The following SHISA6 variants were observed in gnomAD, a reference collection of about 807,000 sequenced individuals.
SHISA6 encodes protein shisa-6.
A neutral mutation model predicts 47.9 loss-of-function variants in SHISA6; 22 were observed. That is an observed-to-expected ratio of 0.46 (90% CI 0.33 to 0.66). The LOEUF (loss-of-function observed/expected upper bound fraction) is 0.66, where lower values mean the gene tolerates loss of function less well. SHISA6 is among the 30% of genes least tolerant of loss of function. The pLI is 0.02. For missense variants in SHISA6, 680 were observed against 764.6 expected (o/e 0.89, Z 1.30); for synonymous variants, 388 against 337.8 (o/e 1.15, Z -1.63).
At chr17:11,451,540 T>C (rs938435135) in intron 3 of SHISA6, among the ~76,000 whole-genome samples, 2 of 152,030 alleles carry the variant, frequency 1.3e-5, no homozygotes, top group Admixed American at 6.6e-5. Context: ...TCAAACAGGA[T>C]AGTGTGATAA....
At chr17:11,468,876 C>A (rs1391924365) in intron 3 of SHISA6, among the ~76,000 whole-genome samples, 1 of 151,772 alleles carries the variant, frequency 6.6e-6, no homozygotes, top group Non-Finnish European at 1.5e-5. Context: ...CAAAAATTAG[C>A]CAGACATGGT....
chr17:11,510,236 C>T (rs1193581138), intron 3 of SHISA6, among the ~76,000 whole-genome samples: 1 of 152,100 alleles, frequency 6.6e-6, no homozygotes, highest in Non-Finnish European at 1.5e-5. Flanking sequence ...TTCAGGGAGC[C>T]TCCTCTGATG....
intron 2 of SHISA6, among the ~76,000 whole-genome samples, chr17:11,293,465 G>A (rs1452620055): frequency 1.3e-5 from 2 of 152,196 alleles, no homozygotes; most frequent in African/African-American, 4.8e-5. Flanking sequence ...ACAGGCTTTG[G>A]GAGAACATTA....
chr17:11,313,848 A>G (rs1910415876), intron 2 of SHISA6, among the ~76,000 whole-genome samples: 1 of 151,654 alleles, frequency 6.6e-6, no homozygotes, highest in South Asian at 2.1e-4. Flanking sequence ...ATGAAGACGG[A>G]GAGAGAGAGA....
chr17:11,319,156 G>T (rs185675455), intron 2 of SHISA6, among the ~76,000 whole-genome samples: 1 of 148,854 alleles, frequency 6.7e-6, no homozygotes, highest in African/African-American at 2.5e-5. Flanking sequence ...TTGGCTCACT[G>T]CAACCTCCGC....
chr17:11,243,622 G>T (rs1907461403), intron 1 of SHISA6, among the ~76,000 whole-genome samples: 1 of 152,210 alleles, frequency 6.6e-6, no homozygotes, highest in Non-Finnish European at 1.5e-5. Context: ...TTTGCATCTT[G>T]TCTGGCAAAG....
intron 1 of SHISA6, among the ~76,000 whole-genome samples, chr17:11,249,108 A>G (rs1384201088): frequency 1.3e-5 from 2 of 150,046 alleles, no homozygotes; most frequent in Non-Finnish European, 3.0e-5. Context: ...ACTGCACTCC[A>G]GCCTGGGCAA....
At chr17:11,522,539 G>A (rs981051244) in intron 3 of SHISA6, among the ~76,000 whole-genome samples, 2 of 152,220 alleles carry the variant, frequency 1.3e-5, no homozygotes, top group African/African-American at 4.8e-5. Context: ...AAGGGTGTGT[G>A]TTGGGGATGC....
At chr17:11,390,340 T>C (rs1420127307) in intron 3 of SHISA6, among the ~76,000 whole-genome samples, 3 of 152,168 alleles carry the variant, frequency 2.0e-5, no homozygotes, top group Non-Finnish European at 4.4e-5. Flanking sequence ...TTGTGGAGAC[T>C]GTAGGAGAAA....
At chr17:11,322,501 T>C (rs1334364015) in intron 2 of SHISA6, among the ~76,000 whole-genome samples, 1 of 152,236 alleles carries the variant, frequency 6.6e-6, no homozygotes, top group East Asian at 1.9e-4. Context: ...TTTGAGTTGC[T>C]ATGATTTTTC....
chr17:11,313,740 C>G (rs1411233233), intron 2 of SHISA6, among the ~76,000 whole-genome samples: 1 of 152,038 alleles, frequency 6.6e-6, no homozygotes, highest in East Asian at 1.9e-4. Context: ...GCCTTCCAAA[C>G]AGCAGCAACA....
At chr17:11,336,972 G>A (rs1351388091) in intron 2 of SHISA6, among the ~76,000 whole-genome samples, 1 of 152,212 alleles carries the variant, frequency 6.6e-6, no homozygotes, top group African/African-American at 2.4e-5. Context: ...TGTGTGAGAT[G>A]AGATGAGGAG....
chr17:11,278,468 A>G (rs1451763845), intron 2 of SHISA6, among the ~76,000 whole-genome samples: 1 of 152,206 alleles, frequency 6.6e-6, no homozygotes, highest in East Asian at 1.9e-4. Flanking sequence ...GAGTGAAGAT[A>G]AGGCAATCAC....
Position 11,242,983 on chromosome 17 carries a change from C to T in SHISA6, c.638+923C>T, listed in dbSNP as rs1394467059. 2.0e-5 allele frequency among the ~76,000 whole-genome samples: 3 copies of T among 152,158 alleles called. No individual in the cohort carries two copies. In the East Asian group the frequency reaches 5.8e-4, roughly 30 times the overall value. ...ATGCAGAGTTAGCTCGGCTTCCTGTCCCCTCATGTTGATGGATGGCTGGAC... is the reference window on the plus strand; with the variant it reads ...ATGCAGAGTTAGCTCGGCTTCCTGTTCCCTCATGTTGATGGATGGCTGGAC... On this transcript the variant is annotated intron_variant, in intron 1 of 5. Transcript: ENST00000441885.
In SHISA6 at chr17:11,562,466, T is replaced by G. The variant is rs2072053735; in HGVS notation, c.*4162T>G. On this transcript the variant is annotated 3_prime_UTR_variant, in exon 6 of 6. Transcript: ENST00000441885. ...GCGCATTGTGTTTTAATGAAGTATTTTTCAGGGTTCCAATGTTATTTTTTA... is the reference window on the plus strand; with the variant it reads ...GCGCATTGTGTTTTAATGAAGTATTGTTCAGGGTTCCAATGTTATTTTTTA... 1 of 152,132 alleles carries G rather than the reference T, an allele frequency of 6.6e-6. No individual in the cohort carries two copies. The highest frequency in any genetic ancestry group is 1.5e-5 in the Non-Finnish European group (1 of 68,038). The allele number at this position is 152,132 out of a possible 1,614,324, so 9.4% of individuals were successfully genotyped here. A position where few individuals can be genotyped will look rare whatever the true frequency, so the allele number is the denominator to read the frequency against.
At chr17:11,254,715 TC>T (rs563746395) in intron 1 of SHISA6, among the ~76,000 whole-genome samples, 2 of 152,348 alleles carry the variant, frequency 1.3e-5, no homozygotes, top group South Asian at 4.1e-4. Context: ...GAGATCCACT[TC>T]CTGGAGTAAC....
At chr17:11,534,542 T>G (rs998976846) in intron 3 of SHISA6, among the ~76,000 whole-genome samples, 1 of 152,138 alleles carries the variant, frequency 6.6e-6, no homozygotes, top group Admixed American at 6.5e-5. Context: ...ACACAAGGCA[T>G]GTACATATGT....
chr17:11,384,163 A>T (rs931563589), intron 3 of SHISA6, among the ~76,000 whole-genome samples: 1 of 152,226 alleles, frequency 6.6e-6, no homozygotes, highest in African/African-American at 2.4e-5. Context: ...TCAAGCAGTC[A>T]GTCTTGTTTT....
At chr17:11,399,561 A>G (rs536773227) in intron 3 of SHISA6, among the ~76,000 whole-genome samples, 67 of 152,124 alleles carry the variant, frequency 4.4e-4, no homozygotes, top group Non-Finnish European at 5.6e-4. Context: ...AGCTGGGATT[A>G]GAGGTGCCTG....
Sources: allele counts gnomAD v4.1 joint callset (sites outside exome capture counted in the v4.1 genomes callset), GRCh38; gene constraint gnomAD v4.1.1; transcripts MANE v1.5; gene names NCBI Gene and HGNC (gene_info 2026-07-23, HGNC 2026-07-21).